Variants in TPM3 observed in about 807,000 individuals in gnomAD.
TPM3 encodes tropomyosin 3, also known as tropomyosin alpha-3 chain.
A neutral mutation model predicts 43.1 loss-of-function variants in TPM3; 16 were observed. That is an observed-to-expected ratio of 0.37 (90% CI 0.25 to 0.56). TPM3 has a LOEUF of 0.56. TPM3 is among the 20% of genes least tolerant of loss of function. The probability of loss-of-function intolerance (pLI) is 0.77; values close to 1 mark genes in which losing one functional copy is unlikely to be tolerated. For missense variants in TPM3, 176 were observed against 337.2 expected (o/e 0.52, Z 3.74); for synonymous variants, 101 against 116.9 (o/e 0.86, Z 0.88).
Position 154,192,080 on chromosome 1 carries a change from A to G in TPM3, c.-62T>C, listed in dbSNP as rs1663704579. On this transcript the variant is annotated 5_prime_UTR_variant, in exon 1 of 10. Coordinates refer to ENST00000651641, the MANE Select transcript of TPM3 (RefSeq NM_152263.4). The stretch of plus-strand genomic sequence containing the variant: ...GGAGAACTGGAGACTGGGGCAAGAA[A>G]GAAGGGGCTGCTGCCTGAGTGACCA... The G allele has an allele frequency of 7.0e-7, 1 of 1,437,804 alleles. No individual in the cohort carries two copies. The highest frequency in any genetic ancestry group is 1.1e-5 in the South Asian group (1 of 87,410). 89.1% of individuals were successfully genotyped at this position (1,437,804 alleles called of 1,614,324 possible). A position where few individuals can be genotyped will look rare whatever the true frequency, so the allele number is the denominator to read the frequency against.
intron 2 of TPM3, among the ~76,000 whole-genome samples, chr1:154,178,608 C>CT (rs1662607984): frequency 6.6e-6 from 1 of 152,210 alleles, no homozygotes. Flanking sequence ...GTGCCTGTCC[C>CT]TTTCAGGTCA....
chr1:154,156,645 C>G (rs1310296181), downstream of TPM3: 12 of 196,218 alleles, frequency 6.1e-5, no homozygotes, highest in African/African-American at 2.3e-5. Context: ...CAGGGTGCCA[C>G]AAACCCAAAG....
chr1:154,167,680 C>A lies in TPM3; in HGVS notation c.*257G>T, dbSNP rs963943715. On this transcript the variant is annotated 3_prime_UTR_variant, in exon 10 of 10. Transcript: ENST00000651641. ...TACAATAGCTCTTCCCCACATCACA[C>A]CCCCAAGGCTCCTTCTTAGGGACAG... 1.9e-5 allele frequency: 26 copies of A among 1,357,944 alleles called. No individual in the cohort carries two copies. The highest frequency in any genetic ancestry group is 2.8e-4 in the Middle Eastern group (1 of 3,536). 84.1% of individuals were successfully genotyped at this position (1,357,944 alleles called of 1,614,324 possible).
At chr1:154,184,706 A>G (rs559143430) in intron 2 of TPM3, among the ~76,000 whole-genome samples, 2 of 152,118 alleles carry the variant, frequency 1.3e-5, no homozygotes, top group African/African-American at 2.4e-5. Context: ...TTCAGCCCAG[A>G]GTTTGAGACC....
At chr1:154,186,325 G>A (rs1663409104) in intron 2 of TPM3, among the ~76,000 whole-genome samples, 2 of 151,488 alleles carry the variant, frequency 1.3e-5, no homozygotes, top group Admixed American at 1.3e-4. Flanking sequence ...CCTCATCCTA[G>A]CCAAACCAAG....
intron 2 of TPM3, among the ~76,000 whole-genome samples, chr1:154,187,885 A>G (rs1034432073): frequency 6.6e-6 from 1 of 151,552 alleles, no homozygotes; most frequent in African/African-American, 2.4e-5. Context: ...TTCTATCTTC[A>G]TGCCCATATG....
At chr1:154,159,120 G>C, downstream of TPM3, 1 of 766,810 alleles carries the variant, frequency 1.3e-6, no homozygotes, top group Non-Finnish European at 2.4e-6. Context: ...GAGAAAAAGG[G>C]AAAGTTAGTA....
downstream of TPM3, chr1:154,157,869 C>T (rs751726164): frequency 1.0e-4 from 71 of 689,520 alleles, 1 homozygote; most frequent in Middle Eastern, 2.5e-4. Context: ...TTACATCACC[C>T]AGTTTTGTAG....
chr1:154,191,096 A>G, intron 2 of TPM3, 90 bp downstream of exon 2: 1 of 1,601,432 alleles, frequency 6.2e-7, no homozygotes, highest in Non-Finnish European at 8.5e-7. Flanking sequence ...TGTTCCATGA[A>G]CCCACAAGTG....
intron 2 of TPM3, among the ~76,000 whole-genome samples, chr1:154,185,666 C>T (rs903554293): frequency 2.7e-5 from 4 of 148,276 alleles, no homozygotes; most frequent in Admixed American, 2.7e-4. Context: ...GCCGAGATCG[C>T]GCCACTGCAC....
intron 5 of TPM3, chr1:154,172,609 T>C: frequency 2.2e-6 from 1 of 461,046 alleles, no homozygotes; most frequent in Non-Finnish European, 4.0e-6. Flanking sequence ...CCACCCCAGG[T>C]GGAAGGACCC....
chr1:154,182,025 AATTC>A (rs71584181), intron 2 of TPM3, among the ~76,000 whole-genome samples: 24,732 of 152,098 alleles, frequency 0.16, 2,479 homozygotes, highest in East Asian at 0.36. Flanking sequence ...AGTCACCTGG[AATTC>A]ATTATTGTCT....
intron 9 of TPM3, among the ~76,000 whole-genome samples, chr1:154,168,444 T>G (rs1209413558): frequency 6.6e-6 from 1 of 152,154 alleles, no homozygotes; most frequent in Non-Finnish European, 1.5e-5. Flanking sequence ...AAAATCACAG[T>G]ATAATGAAGA....
chr1:154,175,976 T>C, intron 3 of TPM3, 139 bp downstream of exon 3: 1 of 1,427,328 alleles, frequency 7.0e-7, no homozygotes, highest in Non-Finnish European at 9.7e-7. Context: ...TGCCTCAGCG[T>C]CCCAAAGTGC....
rs1424640908 is a variant in TPM3, at chr1:154,164,146, C to T, written c.*3791G>A. ...AAACCAGGACAACATGATCTCCCTA[C>T]ATCTTTAACCCCACCACTTTCCTAC... On this transcript the variant is annotated 3_prime_UTR_variant, in exon 10 of 10. Coordinates refer to ENST00000651641, the MANE Select transcript of TPM3 (RefSeq NM_152263.4). Among the ~76,000 whole-genome samples, 5 of 151,950 alleles carry T rather than the reference C, an allele frequency of 3.3e-5. No homozygotes were observed. Among genetic ancestry groups the T allele is most frequent in the Admixed American group, 6.6e-5 (1 of 15,242 alleles).
chr1:154,181,525 G>A (rs764895447), intron 2 of TPM3, among the ~76,000 whole-genome samples: 1 of 152,176 alleles, frequency 6.6e-6, no homozygotes, highest in Non-Finnish European at 1.5e-5. Context: ...GCCTCAACTC[G>A]TATCAGCTCC....
At chr1:154,184,992 A>C (rs887911015) in intron 2 of TPM3, among the ~76,000 whole-genome samples, 2 of 151,840 alleles carry the variant, frequency 1.3e-5, no homozygotes, top group African/African-American at 4.8e-5. Context: ...TGTACTATAG[A>C]ATTGAGCCTC....
intron 6 of TPM3, 39 bp downstream of exon 6, chr1:154,171,374 A>G (rs751550030): frequency 5.0e-6 from 8 of 1,609,342 alleles, no homozygotes; most frequent in Non-Finnish European, 6.8e-6. Context: ...GGCTGGGCCC[A>G]GGCCCCAAAG....
downstream of TPM3, among the ~76,000 whole-genome samples, chr1:154,161,131 T>TAAAA (rs953940037): frequency 3.5e-5 from 3 of 85,096 alleles, no homozygotes; most frequent in African/African-American, 9.0e-5. Context: ...ATGCAAATAT[T>TAAAA]AAAAAAAAAA....
Sources: allele counts gnomAD v4.1 joint callset (sites outside exome capture counted in the v4.1 genomes callset), GRCh38; gene constraint gnomAD v4.1.1; transcripts MANE v1.5; gene names NCBI Gene and HGNC (gene_info 2026-07-23, HGNC 2026-07-21).